WWOX: variants seen among roughly 807,000 people sequenced by gnomAD.
WWOX encodes the protein WW domain-containing oxidoreductase.
A neutral mutation model predicts 46.2 loss-of-function variants in WWOX; 69 were observed. The ratio of observed to expected loss-of-function variants is 1.49; its 90% confidence interval spans 1.23 to 1.82. The LOEUF is 1.82. WWOX is among the 40% of genes most tolerant of loss of function. The pLI, the probability that WWOX is intolerant of heterozygous loss-of-function variation, is 0.00. For missense variants in WWOX, 919 were observed against 542.6 expected, an observed-to-expected ratio of 1.69 and a Z score of -6.89; for synonymous variants, 359 against 202.6, an observed-to-expected ratio of 1.77 and a Z score of -6.56.
intron 8 of WWOX, among the ~76,000 whole-genome samples, chr16:78,901,870 C>T (rs976217572): frequency 1.3e-5 from 2 of 152,204 alleles, no homozygotes; most frequent in Non-Finnish European, 2.9e-5. Flanking sequence ...TGAATTCACA[C>T]GGGCCTCTCC....
intron 8 of WWOX, among the ~76,000 whole-genome samples, chr16:78,894,049 T>TATTATTATTATTATTATTATTATA (rs879592229): frequency 1.8e-4 from 27 of 148,142 alleles, no homozygotes; most frequent in Admixed American, 1.4e-3. Flanking sequence ...TTATTATTAT[T>TATTATTATTATTATTATTATTATA]ATATTTTGAG....
intron 8 of WWOX, among the ~76,000 whole-genome samples, chr16:78,793,423 A>G (rs554436419): frequency 1.3e-5 from 2 of 152,048 alleles, no homozygotes; most frequent in African/African-American, 2.4e-5. Flanking sequence ...GCTGCTCTCC[A>G]CTCAAGAATA....
chr16:79,205,368 A>T (rs983554222), intron 8 of WWOX: 1 of 152,220 alleles, frequency 6.6e-6, no homozygotes, highest in African/African-American at 2.4e-5. Context: ...AAGGAGCCTG[A>T]GGTTTTTCTA....
At chr16:78,728,658 G>A (rs535629510) in intron 8 of WWOX, among the ~76,000 whole-genome samples, 1 of 152,172 alleles carries the variant, frequency 6.6e-6, no homozygotes, top group Non-Finnish European at 1.5e-5. Context: ...CATCCCTGAG[G>A]GTCCCTTGAC....
intron 5 of WWOX, among the ~76,000 whole-genome samples, chr16:78,180,158 G>A (rs947282530): frequency 6.6e-5 from 10 of 152,122 alleles, no homozygotes; most frequent in East Asian, 5.8e-4. Flanking sequence ...TATGTTAAAC[G>A]TATTTTATTC....
chr16:78,373,844 G>C (rs921320750), intron 5 of WWOX, among the ~76,000 whole-genome samples: 6 of 152,208 alleles, frequency 3.9e-5, no homozygotes, highest in Non-Finnish European at 8.8e-5. Context: ...CTGGAATGCA[G>C]TGGCTTGATC....
chr16:78,276,114 A>G (rs1258346156), intron 5 of WWOX, among the ~76,000 whole-genome samples: 1 of 152,214 alleles, frequency 6.6e-6, no homozygotes, highest in Admixed American at 6.5e-5. Flanking sequence ...GGAGGTTACC[A>G]AAGCCGTTTT....
intron 8 of WWOX, among the ~76,000 whole-genome samples, chr16:78,859,308 G>A (rs1481114568): frequency 6.6e-6 from 1 of 151,630 alleles, no homozygotes; most frequent in Non-Finnish European, 1.5e-5. Flanking sequence ...TTTCCCCCCT[G>A]CTGAATTCCC....
chr16:78,753,154 G>T (rs1203376021), intron 8 of WWOX, among the ~76,000 whole-genome samples: 1 of 152,022 alleles, frequency 6.6e-6, no homozygotes, highest in Non-Finnish European at 1.5e-5. Context: ...AACAAAATTA[G>T]CCGGGCGTGG....
intron 8 of WWOX, among the ~76,000 whole-genome samples, chr16:78,587,614 T>G (rs1305136456): frequency 3.9e-5 from 6 of 152,130 alleles, no homozygotes; most frequent in African/African-American, 1.2e-4. Context: ...TGTCACTTTC[T>G]TTGGTGTTGG....
At chr16:79,050,146 A>G (rs549341509) in intron 8 of WWOX, among the ~76,000 whole-genome samples, 38 of 152,124 alleles carry the variant, frequency 2.5e-4, no homozygotes, top group African/African-American at 9.2e-4. Flanking sequence ...GGCAATCAGT[A>G]TTTACTTCTC....
At chr16:78,627,573 G>C (rs2046338605) in intron 8 of WWOX, among the ~76,000 whole-genome samples, 1 of 152,144 alleles carries the variant, frequency 6.6e-6, no homozygotes. Context: ...TAAAATCACA[G>C]AGAAAAGGAG....
chr16:79,153,974 A>G (rs1248845556), intron 8 of WWOX, among the ~76,000 whole-genome samples: 1 of 152,152 alleles, frequency 6.6e-6, no homozygotes, highest in East Asian at 1.9e-4. Context: ...GATGCTAGCC[A>G]TGGATGCACC....
intron 8 of WWOX, among the ~76,000 whole-genome samples, chr16:78,642,721 G>A (rs2046750052): frequency 6.6e-6 from 1 of 152,136 alleles, no homozygotes; most frequent in African/African-American, 2.4e-5. Context: ...TTTTGCTTCT[G>A]CTGAGGCTGT....
chr16:78,730,914 A>C (rs16948383), intron 8 of WWOX, among the ~76,000 whole-genome samples: 7,263 of 152,172 alleles, frequency 0.048, 364 homozygotes, highest in Admixed American at 0.14. Context: ...GTGATTTAAA[A>C]ATTCAGATCA....
At chr16:79,085,848 C>A (rs868720396) in intron 8 of WWOX, among the ~76,000 whole-genome samples, 2 of 152,044 alleles carry the variant, frequency 1.3e-5, no homozygotes, top group South Asian at 2.1e-4. Context: ...GAGTTCAAGT[C>A]CAGCCTGGGC....
At position 78,321,351 on chromosome 16, in the gene WWOX, TATATATGC is replaced by T. The variant is rs1567499221; in HGVS notation, c.517-65508_517-65501del. Among the ~76,000 whole-genome samples the T allele has an allele frequency of 2.5e-4, 11 of 44,472 alleles. 1 individual carries two copies. The highest frequency in any genetic ancestry group is 1.1e-3 in the African/African-American group (6 of 5,380). 29.2% of individuals were successfully genotyped at this position (44,472 alleles called of 152,430 possible). ...ACGTATATATGCGTATATATATACG[TATATATGC>T]GTATATATATACGTATATATGCGTA... On this transcript the variant is annotated intron_variant, in intron 5 of 8. Transcript: ENST00000566780.
At chr16:78,575,022 AATATATATAT>A (rs1215227335) in intron 8 of WWOX, among the ~76,000 whole-genome samples, 2 of 14,000 alleles carry the variant, frequency 1.4e-4, no homozygotes, top group African/African-American at 2.3e-4. Flanking sequence ...TATATATATA[AATATATATAT>A]ATATATATAT....
chr16:78,345,234 C>T lies in WWOX; in HGVS notation c.517-41626C>T, dbSNP rs556755882. 1.1e-3 allele frequency among the ~76,000 whole-genome samples: 131 copies of T among 116,652 alleles called. 29 individuals are homozygous for T. Among genetic ancestry groups the T allele is most frequent in the African/African-American group, 3.5e-3 (122 of 34,624 alleles). 76.5% of individuals were successfully genotyped at this position (116,652 alleles called of 152,430 possible). ...TGCACAATCTCCAGCAAGCTAACCT[C>T]TCTGGACATCGTATTCCTCATCTAT... On this transcript the variant is annotated intron_variant, in intron 5 of 8. Transcript: ENST00000566780.
Sources: allele counts gnomAD v4.1 joint callset (sites outside exome capture counted in the v4.1 genomes callset), GRCh38; gene constraint gnomAD v4.1.1; transcripts MANE v1.5; gene names NCBI Gene and HGNC (gene_info 2026-07-23, HGNC 2026-07-21).